Variants in HECW2 observed in about 807,000 individuals in gnomAD.
HECW2 encodes HECT, C2 and WW domain containing E3 ubiquitin protein ligase 2, also known as E3 ubiquitin-protein ligase HECW2.
In HECW2, 61 loss-of-function variants were observed where a neutral mutation model predicts 175.2. The ratio of observed to expected loss-of-function variants is 0.35; its 90% CI spans 0.28 to 0.43. The LOEUF is 0.43. Ranked by LOEUF, HECW2 falls within the 20% of genes least tolerant of loss-of-function variation. HECW2 has a pLI of 1.00. For missense variants in HECW2, 1,524 were observed against 2,000.5 expected (o/e 0.76, Z 4.54); for synonymous variants, 671 against 731.0 (o/e 0.92, Z 1.32).
intron 1 of HECW2, among the ~76,000 whole-genome samples, chr2:196,451,217 C>A (rs1409829543): frequency 1.3e-5 from 2 of 151,670 alleles, no homozygotes; most frequent in African/African-American, 4.8e-5. Flanking sequence ...GGGTGGATCA[C>A]GAGGTCAAGA....
chr2:196,515,536 C>A (rs1688118054), intron 1 of HECW2, among the ~76,000 whole-genome samples: 2 of 152,200 alleles, frequency 1.3e-5, no homozygotes, highest in South Asian at 4.1e-4. Context: ...GGCTGCATGC[C>A]AGTAATGTGC....
chr2:196,319,358 T>C lies in HECW2; in HGVS notation c.1532A>G (p.Asn511Ser). The C allele has an allele frequency of 1.9e-6, 3 of 1,614,182 alleles. No homozygotes were observed. Among genetic ancestry groups the C allele is most frequent in the South Asian group, 2.2e-5 (2 of 91,068 alleles). ...SLTSQTKLED[N>S]PVENEEASTH... ...GGAGGCTTCCTCATTCTCAACAGGGTTGTCCTCCAGCTTTGTCTGAGATGT... is the reference window on the plus strand; with the variant it reads ...GGAGGCTTCCTCATTCTCAACAGGGCTGTCCTCCAGCTTTGTCTGAGATGT... Residue 511 changes from asparagine to serine, a missense_variant, in exon 9 of 29, where the codon AAC becomes AGC. By Grantham distance (46) the Asn-to-Ser change is conservative. This residue lies in a region of HECW2 where 604 missense variants were observed against 588.3 expected (regional missense o/e 1.03). Coordinates refer to ENST00000644978, the MANE Select transcript of HECW2 (RefSeq NM_001348768.2).
At chr2:196,397,982 C>A (rs545847702) in intron 2 of HECW2, among the ~76,000 whole-genome samples, 1 of 152,148 alleles carries the variant, frequency 6.6e-6, no homozygotes, top group Non-Finnish European at 1.5e-5. Flanking sequence ...AGAAAGCATA[C>A]CCTTCCGAGA....
At chr2:196,512,974 G>A (rs1194487331) in intron 1 of HECW2, among the ~76,000 whole-genome samples, 1 of 152,108 alleles carries the variant, frequency 6.6e-6, no homozygotes, top group African/African-American at 2.4e-5. Flanking sequence ...TTACAGGCAT[G>A]AGCCACCATG....
chr2:196,497,125 A>G (rs1362973702), intron 1 of HECW2, among the ~76,000 whole-genome samples: 1 of 152,210 alleles, frequency 6.6e-6, no homozygotes, highest in African/African-American at 2.4e-5. Flanking sequence ...ATCAAATTTT[A>G]TTCTCAAATC....
intron 1 of HECW2, among the ~76,000 whole-genome samples, chr2:196,456,503 T>C (rs1165665387): frequency 1.3e-5 from 2 of 152,214 alleles, no homozygotes; most frequent in Non-Finnish European, 2.9e-5. Flanking sequence ...TCCTTGGGAC[T>C]GACCATATGT....
At chr2:196,432,050 G>C (rs925809167) in intron 2 of HECW2, among the ~76,000 whole-genome samples, 6 of 152,214 alleles carry the variant, frequency 3.9e-5, no homozygotes, top group African/African-American at 1.4e-4. Context: ...CTAGATCACT[G>C]TGGAGGGAGG....
At chr2:196,252,513 G>T (rs966966247) in intron 19 of HECW2, among the ~76,000 whole-genome samples, 7 of 152,226 alleles carry the variant, frequency 4.6e-5, no homozygotes, top group South Asian at 2.1e-4. Context: ...CCTCACAGGA[G>T]ATCTGATTGT....
chr2:196,446,415 T>C (rs907903389), intron 1 of HECW2, among the ~76,000 whole-genome samples: 2 of 152,222 alleles, frequency 1.3e-5, no homozygotes, highest in Non-Finnish European at 2.9e-5. Context: ...GTATGACTTA[T>C]TCACCTGTTT....
intron 2 of HECW2, among the ~76,000 whole-genome samples, chr2:196,393,713 A>C (rs1194937380): frequency 6.6e-6 from 1 of 152,230 alleles, no homozygotes; most frequent in East Asian, 1.9e-4. Flanking sequence ...GTGGGATTGT[A>C]AACTAGCTTA....
rs1553636711 is a variant in HECW2, at chr2:196,248,599, C to CACAA, written c.3529+5320_3529+5321insTTGT. On this transcript the variant is annotated intron_variant, in intron 19 of 28. Coordinates refer to ENST00000644978, the MANE Select transcript of HECW2 (RefSeq NM_001348768.2). The stretch of plus-strand genomic sequence containing the variant: ...GATGAGAGAGAGAGAGACAGACAGA[C>CACAA]ACACACACACACACACACACACACA... Among the ~76,000 whole-genome samples, 321 of 122,386 alleles carry CACAA rather than the reference C, an allele frequency of 2.6e-3. 2 individuals carry two copies. Among genetic ancestry groups the CACAA allele is most frequent in the South Asian group, 0.013 (49 of 3,634 alleles). 80.3% of individuals were successfully genotyped at this position (122,386 alleles called of 152,430 possible). A position where few individuals can be genotyped will look rare whatever the true frequency, so the allele number is the denominator to read the frequency against.
In HECW2 at chr2:196,319,439, T is replaced by A; in HGVS notation, c.1451A>T (p.Glu484Val). 1.2e-6 allele frequency: 2 copies of A among 1,613,910 alleles called. No individual in the cohort carries two copies. Among genetic ancestry groups the A allele is most frequent in the Non-Finnish European group, 8.5e-7 (1 of 1,179,904 alleles). ...QDLGYPSSLE[E>V]EGGLIMFSRA... ...GCTAAACATGATCAGGCCTCCCTCC[T>A]CCTCCAAGGAAGATGGGTAACCCAG... The change falls in exon 9 of 29, where the codon GAG (glutamate) becomes GTG (valine). Residue 484 changes from glutamate to valine, a missense_variant. Glu to Val is a moderately radical substitution (Grantham distance 121). This residue lies in a region of HECW2 where 604 missense variants were observed against 588.3 expected (regional missense o/e 1.03). Coordinates refer to ENST00000644978, the MANE Select transcript of HECW2 (RefSeq NM_001348768.2).
chr2:196,535,064 C>CG (rs1688974496), intron 1 of HECW2, among the ~76,000 whole-genome samples: 1 of 143,482 alleles, frequency 7.0e-6, no homozygotes, highest in African/African-American at 2.6e-5. Context: ...AAAAAAAAAA[C>CG]AAAAAACCCA....
At chr2:196,213,514 CTCTT>C (rs1376514293) in intron 28 of HECW2, among the ~76,000 whole-genome samples, 2 of 152,156 alleles carry the variant, frequency 1.3e-5, no homozygotes, top group Non-Finnish European at 2.9e-5. Flanking sequence ...AGCCAAGTAA[CTCTT>C]TCTTCTCATC....
chr2:196,547,605 A>C lies in HECW2; in HGVS notation c.-36+45903T>G, dbSNP rs553224191. 3.9e-5 allele frequency among the ~76,000 whole-genome samples: 6 copies of C among 152,292 alleles called. No individual in the cohort carries two copies. In the South Asian group the frequency reaches 1.2e-3, roughly 32 times the overall value. ...AACTAGTGGTGTGTATTAGTTGTGG[A>C]TATAGATTCAGGTGCCACCACACAG... On this transcript the variant is annotated intron_variant, in intron 1 of 28. Coordinates refer to ENST00000644978, the MANE Select transcript of HECW2 (RefSeq NM_001348768.2).
intron 1 of HECW2, among the ~76,000 whole-genome samples, chr2:196,493,960 A>G (rs1687293092): frequency 2.0e-5 from 3 of 152,250 alleles, no homozygotes. Flanking sequence ...ATACACTACA[A>G]TTCAACTTTA....
chr2:196,278,724 T>C (rs1559006051), intron 14 of HECW2, 62 bp from the exon 15 acceptor site: 4 of 1,574,766 alleles, frequency 2.5e-6, no homozygotes, highest in Non-Finnish European at 3.5e-6. Flanking sequence ...ACTTATAACA[T>C]CAGACGGTCA....
chr2:196,458,139 A>T (rs1019305550), intron 1 of HECW2, among the ~76,000 whole-genome samples: 1 of 151,838 alleles, frequency 6.6e-6, no homozygotes, highest in South Asian at 2.1e-4. Context: ...GTGTGGCAGC[A>T]CATGCCTATT....
chr2:196,220,151 C>T lies in HECW2; in HGVS notation c.4296G>A (p.Val1432=). 6.3e-7 allele frequency: 1 copy of T among 1,599,818 alleles called. No individual in the cohort carries two copies. The highest frequency in any genetic ancestry group is 1.3e-5 in the African/African-American group (1 of 74,762). The part of the protein sequence containing the change: ...TESLVRGFYE[V]VDARLVSVFD... ...AAACAGATACCAGCCTGGCATCCACCACCTGTGGAATAAAAAGAGTACAAG... is the reference window on the plus strand; with the variant it reads ...AAACAGATACCAGCCTGGCATCCACTACCTGTGGAATAAAAAGAGTACAAG... Residue 1432 remains valine (V), a splice_region_variant and synonymous_variant, in exon 26 of 29, where the codon GTG becomes GTA. Transcript: ENST00000644978.
Sources: gnomAD v4.1 joint callset for allele counts (sites outside exome capture counted in the v4.1 genomes callset) on GRCh38, gnomAD v4.1.1 for gene constraint, gnomAD v4.1.1 regional missense constraint, MANE v1.5 for transcripts, NCBI Gene and HGNC (gene_info 2026-07-23, HGNC 2026-07-21) for gene names.